Variants in ENO4 observed in about 807,000 individuals in gnomAD.
ENO4 encodes enolase 4, also known as 2-phospho-D-glycerate hydro-lyase.
Under a neutral mutation model 63.2 loss-of-function variants are expected in ENO4, and 53 were observed. That is an observed-to-expected ratio of 0.84 (90% CI 0.67 to 1.05). The LOEUF (loss-of-function observed/expected upper bound fraction) is 1.05, where lower values mean the gene tolerates loss of function less well. Among genes scored for constraint, ENO4 ranks in the 50% least tolerant of loss-of-function variants. The pLI is 0.00. For missense variants in ENO4, 719 were observed against 772.0 expected (o/e 0.93, Z 0.81); for synonymous variants, 266 against 283.8 (o/e 0.94, Z 0.63).
At chr10:116,879,027 G>T (rs894407773) in intron 11 of ENO4, among the ~76,000 whole-genome samples, 2 of 152,240 alleles carry the variant, frequency 1.3e-5, no homozygotes, top group East Asian at 3.9e-4. Context: ...ACAGGAGTGA[G>T]CCACCGTGCC....
chr10:116,849,835 C>G (rs1474291859), intron 1 of ENO4, 104 bp downstream of exon 1: 3 of 1,317,398 alleles, frequency 2.3e-6, no homozygotes, highest in Non-Finnish European at 3.1e-6. Context: ...ATCTCGCATG[C>G]CAGCCGCCCG....
intron 1 of ENO4, 179 bp downstream of exon 1, chr10:116,849,910 T>C: frequency 1.3e-6 from 1 of 762,204 alleles, no homozygotes; most frequent in Non-Finnish European, 2.3e-6. Flanking sequence ...CACCCAGGGG[T>C]GAAGGGATCT....
chr10:116,873,383 T>C (rs1242669488), intron 9 of ENO4, among the ~76,000 whole-genome samples: 1 of 152,236 alleles, frequency 6.6e-6, no homozygotes, highest in South Asian at 2.1e-4. Flanking sequence ...TCCCTGAACA[T>C]AGACTTAAAA....
At chr10:116,861,261 C>G (rs574676321) in intron 6 of ENO4, 71 bp downstream of exon 6, 4 of 394,634 alleles carry the variant, frequency 1.0e-5, no homozygotes, top group South Asian at 1.1e-4. Context: ...ATATATACTC[C>G]GTCATTGATG....
At chr10:116,910,144 C>A (rs1181537127) in intron 10 of ENO4, among the ~76,000 whole-genome samples, 2 of 152,126 alleles carry the variant, frequency 1.3e-5, no homozygotes, top group Non-Finnish European at 2.9e-5. Context: ...CTCCAGGTGA[C>A]AGGGAATTAC....
intron 10 of ENO4, among the ~76,000 whole-genome samples, chr10:116,910,734 G>A (rs1369437854): frequency 1.3e-5 from 2 of 152,126 alleles, no homozygotes; most frequent in Non-Finnish European, 1.5e-5. Context: ...CTCCTTAATA[G>A]AACACTGAAT....
At chr10:116,851,899 C>A (rs773988493) in intron 1 of ENO4, among the ~76,000 whole-genome samples, 90 of 152,232 alleles carry the variant, frequency 5.9e-4, no homozygotes, top group Non-Finnish European at 1.2e-3. Context: ...AACACTATAC[C>A]TCCTCCAGTG....
rs1252648958 is a variant in ENO4 at position 116,882,432 on chromosome 10, A to G, written c.*763A>G. On this transcript the variant is annotated 3_prime_UTR_variant, in exon 14 of 14. Coordinates refer to ENST00000341276, the MANE Select transcript of ENO4 (RefSeq NM_001242699.2). ...AAAAAAAAAATGATGTGACATATCC[A>G]TTGCCTGAATTGCTCTTTTGTAAGC... The G allele has an allele frequency of 0.013, 1 of 80 alleles. No homozygotes were observed. The highest frequency in any genetic ancestry group is 0.045 in the African/African-American group (1 of 22). 0.0% of individuals were successfully genotyped at this position (80 alleles called of 1,614,324 possible).
At chr10:116,886,481 T>C, downstream of ENO4, 2 of 1,614,142 alleles carry the variant, frequency 1.2e-6, no homozygotes, top group Non-Finnish European at 8.5e-7. Context: ...GGTTCATGTG[T>C]AGAAACAGGA....
intron 7 of ENO4, among the ~76,000 whole-genome samples, chr10:116,865,654 T>C (rs951199279): frequency 7.2e-5 from 11 of 152,198 alleles, no homozygotes; most frequent in Non-Finnish European, 1.2e-4. Flanking sequence ...AGGGGACATT[T>C]GGCAAGTCTG....
intron 10 of ENO4, among the ~76,000 whole-genome samples, chr10:116,897,727 A>G (rs1847572809): frequency 6.6e-6 from 1 of 152,200 alleles, no homozygotes; most frequent in South Asian, 2.1e-4. Flanking sequence ...ATTCAGTTAT[A>G]GATTACATAA....
chr10:116,904,607 CTAAAATAATACAAATATTTGTA>C (rs912058791), intron 10 of ENO4, among the ~76,000 whole-genome samples: 3 of 151,942 alleles, frequency 2.0e-5, no homozygotes, highest in Admixed American at 2.0e-4. Context: ...TCTAACTGCC[CTAAAATAATACAAATATTTGTA>C]TATTGGTGGA....
At chr10:116,871,356 G>GA (rs1026793970) in intron 9 of ENO4, 64 bp downstream of exon 9, 57 of 1,322,702 alleles carry the variant, frequency 4.3e-5, no homozygotes, top group South Asian at 6.1e-5. Context: ...TTAGAACTCA[G>GA]AAAAAAAAGA....
chr10:116,856,939 A>G (rs910257196), intron 3 of ENO4, among the ~76,000 whole-genome samples: 3 of 151,384 alleles, frequency 2.0e-5, no homozygotes, highest in African/African-American at 4.9e-5. Context: ...CAGTGAGCTG[A>G]GATCGCGCCA....
intron 13 of ENO4, 25 bp from the exon 14 acceptor site, chr10:116,881,490 T>C (rs1176217290): frequency 6.6e-6 from 10 of 1,512,788 alleles, no homozygotes; most frequent in Non-Finnish European, 7.1e-6. Flanking sequence ...GATTAGACAG[T>C]AAACTTTATT....
At chr10:116,871,724 A>T (rs1020068447) in intron 9 of ENO4, among the ~76,000 whole-genome samples, 2 of 152,130 alleles carry the variant, frequency 1.3e-5, no homozygotes, top group East Asian at 1.9e-4. Context: ...AAATATAAAA[A>T]TTTTTCCAAG....
chr10:116,888,093 C>A (rs2133297639), intron 10 of ENO4, among the ~76,000 whole-genome samples: 1 of 152,302 alleles, frequency 6.6e-6, no homozygotes, highest in Admixed American at 6.5e-5. Flanking sequence ...TCCTAAGTGA[C>A]AAACACTATG....
chr10:116,888,458 C>CT (rs1847230795), intron 10 of ENO4, among the ~76,000 whole-genome samples: 1 of 152,210 alleles, frequency 6.6e-6, no homozygotes, highest in Admixed American at 6.5e-5. Context: ...GCTTCTGCGT[C>CT]TGACACTGGG....
chr10:116,863,356 TCACACACACACACACACACA>T (rs10646641), intron 7 of ENO4, among the ~76,000 whole-genome samples: 1 of 147,298 alleles, frequency 6.8e-6, no homozygotes, highest in Non-Finnish European at 1.5e-5. Context: ...CTGTGGGGCT[TCACACACACACACACACACA>T]CACACACACA....
Sources: gnomAD v4.1 joint callset for allele counts (sites outside exome capture counted in the v4.1 genomes callset) on GRCh38, gnomAD v4.1.1 for gene constraint, MANE v1.5 for transcripts, NCBI Gene and HGNC (gene_info 2026-07-23, HGNC 2026-07-21) for gene names.